R3HDM1: variants seen among roughly 807,000 people sequenced by gnomAD.
The protein encoded by R3HDM1 is R3H domain containing 1.
R3HDM1 carries 46 observed loss-of-function variants against 141.1 expected under a neutral mutation model. That is an observed-to-expected ratio of 0.33 (90% CI 0.26 to 0.42). R3HDM1 has a LOEUF of 0.42. Ranked by LOEUF, R3HDM1 falls within the 10% of genes least tolerant of loss-of-function variation. R3HDM1 has a pLI of 1.00. For missense variants in R3HDM1, 1,184 were observed against 1,368.3 expected, an observed-to-expected ratio of 0.87 and a Z score of 2.12; for synonymous variants, 435 against 472.9, an observed-to-expected ratio of 0.92 and a Z score of 1.04.
chr2:135,721,665 G>A, intron 24 of R3HDM1: 1 of 331,534 alleles, frequency 3.0e-6, no homozygotes, highest in Non-Finnish European at 5.8e-6. Flanking sequence ...TCAGCTCACT[G>A]CAACCTCTAC....
rs189124366 is a variant in R3HDM1 at position 135,675,084 on chromosome 2, G to T, written c.2153-248G>T. Among the ~76,000 whole-genome samples the T allele has an allele frequency of 2.0e-3, 299 of 152,100 alleles. 1 individual carries two copies. The highest frequency in any genetic ancestry group is 7.0e-3 in the African/African-American group (291 of 41,506). On this transcript the variant is annotated intron_variant, in intron 19 of 26. Transcript: ENST00000683871. ...AGTAATTGTCCTATGTTATCTAAGT[G>T]TGTGACCCTATAATCTTTGCAATTG...
intron 21 of R3HDM1, among the ~76,000 whole-genome samples, chr2:135,699,620 A>T (rs2073948228): frequency 6.6e-6 from 1 of 152,238 alleles, no homozygotes; most frequent in Non-Finnish European, 1.5e-5. Flanking sequence ...CAAGTACATT[A>T]TCAGAGTAGA....
At chr2:135,577,433 A>T (rs1243247438) in intron 1 of R3HDM1, among the ~76,000 whole-genome samples, 10 of 149,244 alleles carry the variant, frequency 6.7e-5, no homozygotes, top group Admixed American at 6.7e-4. Context: ...AAAAAAAAAA[A>T]AAAAAAAGCC....
At chr2:135,607,354 T>C (rs1313995862) in intron 3 of R3HDM1, 3 of 982,490 alleles carry the variant, frequency 3.1e-6, no homozygotes, top group African/African-American at 3.5e-5. Flanking sequence ...TTTCCTATTA[T>C]GTACCAGACA....
chr2:135,675,454 G>A lies in R3HDM1; in HGVS notation c.2275G>A (p.Val759Ile). Residue 759 changes from valine to isoleucine, a missense_variant, in exon 20 of 27, where the codon GTC (valine) becomes ATC (isoleucine). Around this residue, in one of 5 missense-constraint regions of R3HDM1, gnomAD observed 563 missense variants for 562.0 expected, o/e 1.00. Transcript: ENST00000683871. ...CATTGGAAATCAGATTCAAGGAGTG[G>A]TCATCCCCTATACTTCAGTGCCAAC... is the stretch of plus-strand genomic sequence containing the variant. The part of the protein sequence containing the change: ...NSIGNQIQGV[V>I]IPYTSVPTYQ... 1 of 1,613,916 alleles carries A rather than the reference G, an allele frequency of 6.2e-7. No homozygotes were observed. The highest frequency in any genetic ancestry group is 1.1e-5 in the South Asian group (1 of 91,074).
At position 135,622,363 on chromosome 2, in the gene R3HDM1, T is replaced by C. The variant is rs1280536725; in HGVS notation, c.419-291T>C. Reference sequence around the variant, plus strand: ...TGAACATGAGGTTGTGGTGAGTATATAAAAGGATCTTTAAAGAATTTAGAG... The same window carrying C: ...TGAACATGAGGTTGTGGTGAGTATACAAAAGGATCTTTAAAGAATTTAGAG... On this transcript the variant is annotated intron_variant, in intron 6 of 26. Transcript: ENST00000683871. 4.1e-6 allele frequency: 4 copies of C among 984,126 alleles called. No homozygotes were observed. In the East Asian group the frequency reaches 4.5e-4, roughly 111 times the overall value. The allele number at this position is 984,126 out of a possible 1,614,324, so 61.0% of individuals were successfully genotyped here.
At chr2:135,685,852 T>C (rs1559433573) in intron 21 of R3HDM1, among the ~76,000 whole-genome samples, 1 of 152,222 alleles carries the variant, frequency 6.6e-6, no homozygotes, top group Non-Finnish European at 1.5e-5. Context: ...TTTGTACTTT[T>C]GTTTTCTCAT....
chr2:135,643,230 C>T (rs1273364279), intron 15 of R3HDM1, among the ~76,000 whole-genome samples: 1 of 152,072 alleles, frequency 6.6e-6, no homozygotes, highest in African/African-American at 2.4e-5. Flanking sequence ...AATTTTTTCT[C>T]CAAATTATTT....
At chr2:135,651,564 G>A in intron 17 of R3HDM1, 166 bp from the exon 18 acceptor site, 1 of 942,514 alleles carries the variant, frequency 1.1e-6, no homozygotes. Context: ...CAATAGAGTT[G>A]TCATTTTTTT....
intron 16 of R3HDM1, 140 bp downstream of exon 16, chr2:135,645,667 C>A: frequency 9.8e-7 from 1 of 1,015,714 alleles, no homozygotes; most frequent in Non-Finnish European, 1.4e-6. Context: ...CCACTCACTA[C>A]TCATAGGAAA....
chr2:135,595,646 T>C (rs1436561465), intron 1 of R3HDM1, among the ~76,000 whole-genome samples: 2 of 152,340 alleles, frequency 1.3e-5, no homozygotes, highest in South Asian at 2.1e-4. Context: ...ACAGCACATA[T>C]TGCAATCAGT....
intron 24 of R3HDM1, among the ~76,000 whole-genome samples, chr2:135,721,000 G>A (rs1575270991): frequency 6.6e-6 from 1 of 152,250 alleles, no homozygotes; most frequent in East Asian, 1.9e-4. Flanking sequence ...AGGATTTAGT[G>A]TCATAGTTTT....
intron 1 of R3HDM1, among the ~76,000 whole-genome samples, chr2:135,549,079 C>T (rs950665165): frequency 3.9e-5 from 6 of 152,132 alleles, no homozygotes; most frequent in Admixed American, 3.9e-4. Context: ...TGTATTGAAA[C>T]TAGAATTAAC....
chr2:135,599,593 G>A (rs909664110), intron 1 of R3HDM1, among the ~76,000 whole-genome samples: 4 of 152,102 alleles, frequency 2.6e-5, no homozygotes, highest in Non-Finnish European at 4.4e-5. Flanking sequence ...TGACACCCAC[G>A]TGCCCACACA....
intron 1 of R3HDM1, among the ~76,000 whole-genome samples, chr2:135,567,725 C>T (rs886910142): frequency 1.3e-5 from 2 of 151,536 alleles, no homozygotes; most frequent in Admixed American, 1.3e-4. Context: ...TCTATTTTTA[C>T]CTTTGTTGTT....
At chr2:135,608,091 G>C (rs569130666) in intron 3 of R3HDM1, 1 of 529,136 alleles carries the variant, frequency 1.9e-6, no homozygotes, top group Non-Finnish European at 2.4e-6. Flanking sequence ...CAAGGTGGGC[G>C]GGTCACAAGG....
At chr2:135,654,049 A>AC (rs1156964292) in intron 18 of R3HDM1, among the ~76,000 whole-genome samples, 1 of 152,174 alleles carries the variant, frequency 6.6e-6, no homozygotes, top group East Asian at 1.9e-4. Flanking sequence ...GTGTTGTACA[A>AC]CCACCACTTC....
intron 3 of R3HDM1, among the ~76,000 whole-genome samples, chr2:135,611,667 A>G (rs954705644): frequency 6.6e-6 from 1 of 152,092 alleles, no homozygotes; most frequent in Non-Finnish European, 1.5e-5. Context: ...ATTGTTTTTT[A>G]TTAATATTGA....
intron 6 of R3HDM1, chr2:135,622,255 A>G (rs1379104986): frequency 3.1e-6 from 3 of 983,314 alleles, no homozygotes; most frequent in Non-Finnish European, 3.6e-6. Context: ...CATTATATTC[A>G]TATCTGAACT....
Sources: allele counts gnomAD v4.1 joint callset (sites outside exome capture counted in the v4.1 genomes callset), GRCh38; gene constraint gnomAD v4.1.1; regional missense constraint gnomAD v4.1.1; transcripts MANE v1.5; gene names NCBI Gene and HGNC (gene_info 2026-07-23, HGNC 2026-07-21).